Variants in SPSB4 observed in about 807,000 individuals in gnomAD.
SPSB4 encodes the protein splA/ryanodine receptor domain and SOCS box containing 4, also known as SPRY domain-containing SOCS box protein 4.
SPSB4 carries 21 observed loss-of-function variants against 20.9 expected under a neutral mutation model. The observed-to-expected ratio is 1.01, with a 90% CI of 0.71 to 1.45. The LOEUF is 1.45. Among genes scored for constraint, SPSB4 ranks in the 40% most tolerant of loss-of-function variants. SPSB4 has a pLI of 0.00. For missense variants in SPSB4, 399 were observed against 399.2 expected, an observed-to-expected ratio of 1.00 and a Z score of 0.00; for synonymous variants, 207 against 183.8, an observed-to-expected ratio of 1.13 and a Z score of -1.02.
intron 2 of SPSB4, among the ~76,000 whole-genome samples, chr3:141,081,523 G>T (rs1938230161): frequency 6.6e-6 from 1 of 152,180 alleles, no homozygotes. Context: ...TGAGTGTCAG[G>T]CTGCAGGACC....
At chr3:141,075,098 G>A (rs72980166) in intron 2 of SPSB4, among the ~76,000 whole-genome samples, 19,406 of 134,554 alleles carry the variant, frequency 0.14, 3,985 homozygotes, top group African/African-American at 0.48. Context: ...TTCCCCATCA[G>A]AAACAAGGGA....
chr3:141,055,780 C>T (rs1937624496), intron 1 of SPSB4, among the ~76,000 whole-genome samples: 1 of 152,154 alleles, frequency 6.6e-6, no homozygotes, highest in African/African-American at 2.4e-5. Flanking sequence ...TGCACATGGA[C>T]CACAGATGTC....
intron 2 of SPSB4, among the ~76,000 whole-genome samples, chr3:141,115,855 A>G (rs1192980190): frequency 6.6e-6 from 1 of 152,170 alleles, no homozygotes; most frequent in African/African-American, 2.4e-5. Flanking sequence ...TCATTTGACT[A>G]AAGGAGGAGG....
At chr3:141,082,277 G>A (rs1029811061) in intron 2 of SPSB4, among the ~76,000 whole-genome samples, 9 of 152,222 alleles carry the variant, frequency 5.9e-5, no homozygotes, top group Non-Finnish European at 1.0e-4. Context: ...CCCAGGGAGT[G>A]CGCCTGGCAG....
intron 2 of SPSB4, among the ~76,000 whole-genome samples, chr3:141,127,456 AG>A (rs2107803364): frequency 6.6e-6 from 1 of 152,300 alleles, no homozygotes; most frequent in African/African-American, 2.4e-5. Flanking sequence ...CACCTCCCCG[AG>A]GAAACCTGCC....
At chr3:141,073,552 G>A (rs1576519351) in intron 2 of SPSB4, among the ~76,000 whole-genome samples, 1 of 152,158 alleles carries the variant, frequency 6.6e-6, no homozygotes, top group Non-Finnish European at 1.5e-5. Context: ...TTGCTTTTCT[G>A]TTATTGCTGC....
intron 2 of SPSB4, among the ~76,000 whole-genome samples, chr3:141,094,058 A>G (rs1017446157): frequency 6.6e-6 from 1 of 151,922 alleles, no homozygotes; most frequent in Non-Finnish European, 1.5e-5. Flanking sequence ...GGTTCCCTGT[A>G]GTTGTTGGCA....
chr3:141,060,562 G>A (rs189689589), intron 1 of SPSB4, among the ~76,000 whole-genome samples: 7 of 152,348 alleles, frequency 4.6e-5, no homozygotes, highest in Non-Finnish European at 8.8e-5. Context: ...AGAGTGCTGC[G>A]TATGTATGCA....
intron 2 of SPSB4, among the ~76,000 whole-genome samples, chr3:141,104,375 T>C (rs1269758895): frequency 1.3e-5 from 2 of 152,122 alleles, no homozygotes; most frequent in African/African-American, 4.8e-5. Context: ...TGTGGGTAGA[T>C]TCCTTGAGGA....
intron 2 of SPSB4, among the ~76,000 whole-genome samples, chr3:141,142,781 A>G (rs911445854): frequency 3.8e-5 from 4 of 106,604 alleles, no homozygotes; most frequent in Non-Finnish European, 7.8e-5. Context: ...TCCTTTCATT[A>G]TGATATAATG....
chr3:141,127,032 G>A (rs1048504483), intron 2 of SPSB4, among the ~76,000 whole-genome samples: 1 of 152,264 alleles, frequency 6.6e-6, no homozygotes, highest in Non-Finnish European at 1.5e-5. Context: ...TCTCCAAGGT[G>A]TGTATGCTTC....
intron 2 of SPSB4, among the ~76,000 whole-genome samples, chr3:141,128,868 C>G (rs1367351608): frequency 6.6e-6 from 1 of 152,204 alleles, no homozygotes; most frequent in East Asian, 1.9e-4. Context: ...TCCTTCACTT[C>G]AGGGTGTCAT....
chr3:141,066,869 A>G, intron 2 of SPSB4, 71 bp downstream of exon 2: 1 of 1,409,788 alleles, frequency 7.1e-7, no homozygotes, highest in Non-Finnish European at 9.4e-7. Flanking sequence ...GGCAGGCCAC[A>G]CCTCCATCGC....
rs150505200 is a variant in SPSB4 at position 141,058,467 on chromosome 3, T to C, written c.-154+6475T>C. On this transcript the variant is annotated intron_variant, in intron 1 of 2. Coordinates refer to ENST00000310546, the MANE Select transcript of SPSB4 (RefSeq NM_080862.3). Reference sequence around the variant, plus strand: ...GTTTTGGGGAAAAGTGACGGAGGCATCCTTTGGCGTTCTTCAGGATGCTGG... The same window carrying C: ...GTTTTGGGGAAAAGTGACGGAGGCACCCTTTGGCGTTCTTCAGGATGCTGG... 5.6e-3 allele frequency among the ~76,000 whole-genome samples: 858 copies of C among 152,278 alleles called. 14 individuals are homozygous for C. The highest frequency in any genetic ancestry group is 0.017 in the African/African-American group (695 of 41,562).
chr3:141,113,338 A>G (rs927526481), intron 2 of SPSB4, among the ~76,000 whole-genome samples: 25 of 152,256 alleles, frequency 1.6e-4, no homozygotes, highest in Admixed American at 9.2e-4. Context: ...ATACTTATGC[A>G]TGAATATAGC....
intron 2 of SPSB4, among the ~76,000 whole-genome samples, chr3:141,141,534 A>G (rs1177236871): frequency 6.6e-6 from 1 of 152,244 alleles, no homozygotes; most frequent in Non-Finnish European, 1.5e-5. Flanking sequence ...TGCACCAGCC[A>G]GGAGCTTTCC....
chr3:141,105,533 G>A (rs910678787), intron 2 of SPSB4, among the ~76,000 whole-genome samples: 3 of 152,144 alleles, frequency 2.0e-5, no homozygotes, highest in East Asian at 1.9e-4. Context: ...GCTGCCCCCC[G>A]AGGATGCAGC....
intron 2 of SPSB4, among the ~76,000 whole-genome samples, chr3:141,092,101 A>C (rs1371590411): frequency 6.6e-6 from 1 of 152,204 alleles, no homozygotes; most frequent in Non-Finnish European, 1.5e-5. Flanking sequence ...GGGAAGCAGA[A>C]TGTCAGTTTT....
At chr3:141,084,129 A>G (rs1576524078) in intron 2 of SPSB4, among the ~76,000 whole-genome samples, 1 of 152,352 alleles carries the variant, frequency 6.6e-6, no homozygotes, top group East Asian at 1.9e-4. Context: ...TTCCTCTCCC[A>G]GAGAGTAACA....
Sources: allele counts gnomAD v4.1 joint callset (sites outside exome capture counted in the v4.1 genomes callset), GRCh38; gene constraint gnomAD v4.1.1; transcripts MANE v1.5; gene names NCBI Gene and HGNC (gene_info 2026-07-23, HGNC 2026-07-21).